Variants in GABRB3 observed in about 807,000 individuals in gnomAD.
The protein encoded by GABRB3 is gamma-aminobutyric acid receptor subunit beta-3.
Under a neutral mutation model 52.1 loss-of-function variants are expected in GABRB3, and 14 were observed. The ratio of observed to expected loss-of-function variants is 0.27; its 90% CI spans 0.18 to 0.42. The LOEUF (loss-of-function observed/expected upper bound fraction) is 0.42. Ranked by LOEUF, GABRB3 falls within the 10% of genes least tolerant of loss-of-function variation. The pLI is 1.00. For missense variants in GABRB3, 307 were observed against 609.1 expected, an observed-to-expected ratio of 0.50 and a Z score of 5.22; for synonymous variants, 260 against 232.3, an observed-to-expected ratio of 1.12 and a Z score of -1.08.
chr15:26,584,760 A>C (rs961473033), intron 4 of GABRB3, among the ~76,000 whole-genome samples: 10 of 152,140 alleles, frequency 6.6e-5, no homozygotes, highest in African/African-American at 2.4e-4. Flanking sequence ...AAACGCAACT[A>C]TTAGGGTTAT....
In GABRB3 at chr15:26,621,602, G is replaced by T; in HGVS notation, c.241-68C>A. 1 of 1,276,546 alleles carries T rather than the reference G, an allele frequency of 7.8e-7. No individual in the cohort carries two copies. The highest frequency in any genetic ancestry group is 1.1e-6 in the Non-Finnish European group (1 of 890,230). 79.1% of individuals were successfully genotyped at this position (1,276,546 alleles called of 1,614,324 possible). On this transcript the variant is annotated intron_variant, in intron 3 of 8. Coordinates refer to ENST00000311550, the MANE Select transcript of GABRB3 (RefSeq NM_000814.6). The surrounding 1 kb of genome is among the most constrained non-coding windows in gnomAD (Gnocchi z 4.1). ...CACAGGTGTATTTCCTCCACGACCAGCCAAATTCAGGTTGCAATCTAGGCT... is the reference window on the plus strand; with the variant it reads ...CACAGGTGTATTTCCTCCACGACCATCCAAATTCAGGTTGCAATCTAGGCT...
chr15:26,740,365 G>A (rs959363806), intron 3 of GABRB3, among the ~76,000 whole-genome samples: 4 of 152,012 alleles, frequency 2.6e-5, no homozygotes, highest in Admixed American at 1.3e-4. Flanking sequence ...TAGGAGAGGG[G>A]GTTCACTATG....
chr15:26,594,664 T>C (rs1015131494), intron 4 of GABRB3, among the ~76,000 whole-genome samples: 9 of 152,210 alleles, frequency 5.9e-5, no homozygotes, highest in Non-Finnish European at 1.0e-4. Flanking sequence ...CCTGGCTAGA[T>C]TTTTTCTTTA....
At chr15:26,736,620 C>T (rs1252981551) in intron 3 of GABRB3, among the ~76,000 whole-genome samples, 3 of 152,224 alleles carry the variant, frequency 2.0e-5, no homozygotes, top group Admixed American at 6.5e-5. Flanking sequence ...CCAGCTCCCG[C>T]AGGAGAGGCC....
chr15:26,699,293 C>G (rs1888849150), intron 3 of GABRB3, among the ~76,000 whole-genome samples: 1 of 152,068 alleles, frequency 6.6e-6, no homozygotes, highest in Non-Finnish European at 1.5e-5. Context: ...CCAATATTAG[C>G]AAGACCCAAA....
intron 6 of GABRB3, among the ~76,000 whole-genome samples, chr15:26,568,098 C>A (rs992453630): frequency 6.6e-6 from 1 of 152,194 alleles, no homozygotes; most frequent in Non-Finnish European, 1.5e-5. Context: ...TGGCTCAAGG[C>A]TTTACTGGGC....
At chr15:26,568,254 A>G (rs4906886) in intron 6 of GABRB3, among the ~76,000 whole-genome samples, 531 of 152,264 alleles carry the variant, frequency 3.5e-3, no homozygotes, top group Admixed American at 8.9e-3. Flanking sequence ...CCAGTCCCGG[A>G]GAAAGCAGTG....
chr15:26,766,099 G>A (rs1465313157), intron 3 of GABRB3, among the ~76,000 whole-genome samples: 1 of 152,126 alleles, frequency 6.6e-6, no homozygotes, highest in Admixed American at 6.5e-5. Flanking sequence ...TTTATAAACC[G>A]CAGAATGGTG....
At chr15:26,620,006 GT>G (rs1423570399) in intron 4 of GABRB3, among the ~76,000 whole-genome samples, 2 of 151,940 alleles carry the variant, frequency 1.3e-5, no homozygotes, top group Middle Eastern at 3.2e-3. Flanking sequence ...TTTCACTTTA[GT>G]TTTTTTGGGT....
At position 26,711,849 on chromosome 15, in the gene GABRB3, TTG is replaced by T. The variant is rs1431439455; in HGVS notation, c.240+60551_240+60552del. Among the ~76,000 whole-genome samples the T allele has an allele frequency of 3.0e-3, 456 of 152,306 alleles. 3 individuals are homozygous for T. The highest frequency in any genetic ancestry group is 0.01 in the African/African-American group (428 of 41,568). ...CAATGCGATCTTAACACTTGTCAAT[TTG>T]CGAAAAGTAAAACAAGTAAGGGGAG... On this transcript the variant is annotated intron_variant, in intron 3 of 8. Transcript: ENST00000311550.
At chr15:26,670,044 G>C (rs147700919) in intron 3 of GABRB3, among the ~76,000 whole-genome samples, 30 of 152,302 alleles carry the variant, frequency 2.0e-4, no homozygotes, top group Non-Finnish European at 3.4e-4. Flanking sequence ...TCACAGTCAC[G>C]GTCACGGGCA....
chr15:26,651,117 C>A (rs1053690732), intron 3 of GABRB3, among the ~76,000 whole-genome samples: 1 of 152,232 alleles, frequency 6.6e-6, no homozygotes, highest in Admixed American at 6.5e-5. Flanking sequence ...GCTCTGGGCA[C>A]TGCCACAAGG....
At position 26,561,023 on chromosome 15, in the gene GABRB3, A is replaced by G; in HGVS notation, c.989T>C (p.Ile330Thr). The change falls in exon 8 of 9, where the codon ATT becomes ACT. Residue 330 changes from isoleucine to threonine, a missense_variant. By Grantham distance (89) the Ile-to-Thr change is moderately conservative (BLOSUM62 -1). Transcript: ENST00000311550. ...CCTTTGAGGGCCTCTTCCAAAGAAA[A>G]TGTAGTTGACAAAGGCATACTCCAG... The part of the protein sequence containing the change: ...ALLEYAFVNY[I>T]FFGRGPQRQK... 6.2e-7 allele frequency: 1 copy of G among 1,614,144 alleles called. No homozygotes were observed. Among genetic ancestry groups the G allele is most frequent in the Non-Finnish European group, 8.5e-7 (1 of 1,180,040 alleles).
At chr15:26,769,342 C>T (rs923651744) in intron 3 of GABRB3, among the ~76,000 whole-genome samples, 1 of 152,212 alleles carries the variant, frequency 6.6e-6, no homozygotes, top group East Asian at 1.9e-4. Flanking sequence ...AGTTATCCCT[C>T]ATTCATTCTA....
intron 3 of GABRB3, among the ~76,000 whole-genome samples, chr15:26,667,565 A>AT (rs1210379763): frequency 6.6e-6 from 1 of 152,212 alleles, no homozygotes; most frequent in Non-Finnish European, 1.5e-5. Context: ...GGTTTATTTT[A>AT]AATTCTTAAA....
Position 26,582,935 on chromosome 15 carries a change from G to A in GABRB3, c.544+397C>T, listed in dbSNP as rs74412216. Among the ~76,000 whole-genome samples, 585 of 152,244 alleles carry A rather than the reference G, an allele frequency of 3.8e-3. 5 individuals carry two copies. The highest frequency in any genetic ancestry group is 9.3e-3 in the African/African-American group (387 of 41,544). On this transcript the variant is annotated intron_variant, in intron 5 of 8. Transcript: ENST00000311550. ...ACTACTCAAATTGAAGAAAATTGCCGAGATGCAGAAATAGCCTGCTTGTCA... is the reference window on the plus strand; with the variant it reads ...ACTACTCAAATTGAAGAAAATTGCCAAGATGCAGAAATAGCCTGCTTGTCA...
intron 3 of GABRB3, among the ~76,000 whole-genome samples, chr15:26,651,749 T>C (rs1057474198): frequency 6.6e-6 from 1 of 152,170 alleles, no homozygotes; most frequent in Non-Finnish European, 1.5e-5. Flanking sequence ...ATGATGTGCC[T>C]TGCTCTCCAA....
intron 3 of GABRB3, among the ~76,000 whole-genome samples, chr15:26,674,232 T>C (rs535961272): frequency 1.3e-5 from 2 of 150,540 alleles, no homozygotes; most frequent in East Asian, 2.0e-4. Context: ...TAAAACACTG[T>C]CTCTACTAAA....
intron 3 of GABRB3, among the ~76,000 whole-genome samples, chr15:26,687,189 C>T (rs2140657776): frequency 6.6e-6 from 1 of 152,352 alleles, no homozygotes. Flanking sequence ...AGATTGAACA[C>T]TTACATATTC....
Sources: gnomAD v4.1 joint callset for allele counts (sites outside exome capture counted in the v4.1 genomes callset) on GRCh38, gnomAD v4.1.1 for gene constraint, Gnocchi (gnomAD v3.1) non-coding constraint, MANE v1.5 for transcripts, NCBI Gene and HGNC (gene_info 2026-07-23, HGNC 2026-07-21) for gene names.